Variants in FAAH2 observed in about 807,000 individuals in gnomAD.
FAAH2 encodes fatty-acid amide hydrolase 2.
FAAH2 carries 60 observed loss-of-function variants against 36.9 expected under a neutral mutation model. The observed-to-expected ratio is 1.63, with a 90% CI of 1.32 to 2.02. The LOEUF is 2.02. FAAH2 is among the 30% of genes most tolerant of loss of function. The pLI, the probability that FAAH2 is intolerant of heterozygous loss-of-function variation, is 0.00. For missense variants in FAAH2, 689 were observed against 397.5 expected, an observed-to-expected ratio of 1.73 and a Z score of -6.23; for synonymous variants, 214 against 143.8, an observed-to-expected ratio of 1.49 and a Z score of -3.49.
At chrX:57,429,334 A>G (rs2056238555) in intron 7 of FAAH2, among the ~76,000 whole-genome samples, 3 of 90,527 alleles carry the variant, frequency 3.3e-5, no homozygotes, top group South Asian at 5.3e-4. Flanking sequence ...GTGAGATTCC[A>G]TCTCAAAAAA....
intron 10 of FAAH2, among the ~76,000 whole-genome samples, chrX:57,487,927 G>T (rs1415919455): frequency 9.0e-6 from 1 of 111,686 alleles, no homozygotes; most frequent in South Asian, 3.7e-4. Flanking sequence ...TCAAAATTTG[G>T]TATATTTATT....
At chrX:57,224,456 C>T in the FAAH2 span, among the ~76,000 whole-genome samples, 1 of 111,354 alleles carries the variant, frequency 9.0e-6, no homozygotes, top group Non-Finnish European at 1.9e-5. Context: ...GTAAGATTCT[C>T]CCGGGGCCTG....
chrX:57,476,535 C>T (rs1440080425), intron 10 of FAAH2, among the ~76,000 whole-genome samples: 1 of 111,186 alleles, frequency 9.0e-6, no homozygotes, highest in East Asian at 2.8e-4. Context: ...AGGGATGAAG[C>T]CGACTTGATC....
Position 57,297,365 on chromosome X carries a change from T to G in FAAH2, c.275+4785T>G, listed in dbSNP as rs770602145. Among the ~76,000 whole-genome samples, 3 of 110,264 alleles carry G rather than the reference T, an allele frequency of 2.7e-5. No homozygotes were observed. The South Asian group carries it at 1.2e-3, about 43-fold the overall frequency. On this transcript the variant is annotated intron_variant, in intron 2 of 10. Coordinates refer to ENST00000374900, the MANE Select transcript of FAAH2 (RefSeq NM_174912.4). ...ATACAGCCAAACTAAGCTTCATAAG[T>G]GCAGGAGAAATAGAATCCTTTACAG...
intron 7 of FAAH2, among the ~76,000 whole-genome samples, chrX:57,421,092 C>T (rs1299573774): frequency 1.8e-5 from 2 of 112,004 alleles, no homozygotes; most frequent in Admixed American, 1.9e-4. Context: ...TATTCATTAC[C>T]TTCATAAGAT....
chrX:57,478,484 T>G (rs988319416), intron 10 of FAAH2, among the ~76,000 whole-genome samples: 2 of 111,961 alleles, frequency 1.8e-5, no homozygotes, highest in Non-Finnish European at 3.8e-5. Context: ...AGAAGCTCTT[T>G]AGTTTAATTA....
intron 7 of FAAH2, among the ~76,000 whole-genome samples, chrX:57,414,052 A>G (rs191819360): frequency 1.2e-3 from 133 of 112,123 alleles, no homozygotes; most frequent in East Asian, 8.7e-3. Context: ...ATTTTTGCAC[A>G]TTGATTTTGT....
At chrX:57,483,286 C>G (rs897669064) in intron 10 of FAAH2, among the ~76,000 whole-genome samples, 1 of 111,359 alleles carries the variant, frequency 9.0e-6, no homozygotes, top group Non-Finnish European at 1.9e-5. Context: ...ATTCTTTCTT[C>G]TACTTGGTCT....
At chrX:57,462,703 T>C (rs1485191149) in intron 10 of FAAH2, among the ~76,000 whole-genome samples, 2 of 112,661 alleles carry the variant, frequency 1.8e-5, no homozygotes. Context: ...GCCAATATCA[T>C]ACCAAATAGG....
the FAAH2 span, among the ~76,000 whole-genome samples, chrX:57,204,506 C>A: frequency 8.9e-6 from 1 of 112,210 alleles, no homozygotes; most frequent in South Asian, 3.7e-4. Flanking sequence ...ATCTCTTCTT[C>A]AGCATCTGGC....
intron 2 of FAAH2, among the ~76,000 whole-genome samples, chrX:57,305,080 G>GTC (rs1390245875): frequency 9.1e-6 from 1 of 110,105 alleles, no homozygotes; most frequent in Non-Finnish European, 1.9e-5. Context: ...GTGTGTGTGT[G>GTC]TGTATGTGTA....
intron 2 of FAAH2, among the ~76,000 whole-genome samples, chrX:57,294,542 A>C (rs991333370): frequency 9.0e-6 from 1 of 111,630 alleles, no homozygotes; most frequent in African/African-American, 3.3e-5. Context: ...TTAATCAACA[A>C]GTTTTACTGG....
chrX:57,450,818 TA>T (rs1377699191), intron 10 of FAAH2, among the ~76,000 whole-genome samples: 1 of 111,440 alleles, frequency 9.0e-6, no homozygotes, highest in Non-Finnish European at 1.9e-5. Context: ...TAGAGTGCTT[TA>T]AAATTATTAA....
chrX:57,167,814 G>A, the FAAH2 span, among the ~76,000 whole-genome samples: 7 of 111,160 alleles, frequency 6.3e-5, no homozygotes, highest in African/African-American at 2.3e-4. Flanking sequence ...TTACCTACTT[G>A]GGCAAGCTTT....
chrX:57,260,485 T>C, the FAAH2 span, among the ~76,000 whole-genome samples: 1 of 111,964 alleles, frequency 8.9e-6, no homozygotes, highest in Non-Finnish European at 1.9e-5. Context: ...TTTTTTGGGA[T>C]CTTAGGTTTG....
chrX:57,163,678 CT>C, the FAAH2 span, among the ~76,000 whole-genome samples: 2 of 112,570 alleles, frequency 1.8e-5, no homozygotes, highest in African/African-American at 6.4e-5. Flanking sequence ...TCCCTGACCC[CT>C]TGCACTTCTC....
At chrX:57,160,475 A>AT in the FAAH2 span, among the ~76,000 whole-genome samples, 1 of 111,244 alleles carries the variant, frequency 9.0e-6, no homozygotes, top group East Asian at 2.8e-4. Context: ...GTTCCTGGAC[A>AT]TTTTTTGGTT....
chrX:57,155,089 G>A, the FAAH2 span, among the ~76,000 whole-genome samples: 1 of 111,957 alleles, frequency 8.9e-6, no homozygotes, highest in South Asian at 3.7e-4. Context: ...GGGGATGGCA[G>A]GAGAGTTAAA....
At chrX:57,138,601 G>A in the FAAH2 span, among the ~76,000 whole-genome samples, 6 of 111,021 alleles carry the variant, frequency 5.4e-5, no homozygotes, top group Non-Finnish European at 1.9e-5. Context: ...CTGGATCTTA[G>A]GGAATTTGTA....
Sources: gnomAD v4.1 joint callset for allele counts (sites outside exome capture counted in the v4.1 genomes callset) on GRCh38, gnomAD v4.1.1 for gene constraint, MANE v1.5 for transcripts, NCBI Gene and HGNC (gene_info 2026-07-23, HGNC 2026-07-21) for gene names.